STX6: variants seen among roughly 807,000 people sequenced by gnomAD.
STX6 encodes syntaxin-6.
A neutral mutation model predicts 38.0 loss-of-function variants in STX6; 23 were observed. The ratio of observed to expected loss-of-function variants is 0.60; its 90% CI spans 0.43 to 0.86. The LOEUF is 0.86. STX6 is among the 40% of genes least tolerant of loss of function. STX6 has a pLI of 0.00. For missense variants in STX6, 274 were observed against 312.9 expected (o/e 0.88, Z 0.94); for synonymous variants, 123 against 107.5 (o/e 1.14, Z -0.89).
At chr1:181,015,134 A>C (rs1656519263) in intron 1 of STX6, among the ~76,000 whole-genome samples, 1 of 151,930 alleles carries the variant, frequency 6.6e-6, no homozygotes, top group Admixed American at 6.6e-5. Flanking sequence ...GTTTCTCAGT[A>C]CTCTTTGTGG....
At chr1:180,984,086 A>AAAAAC in intron 7 of STX6, among the ~76,000 whole-genome samples, 2 of 150,082 alleles carry the variant, frequency 1.3e-5, no homozygotes, top group Admixed American at 1.3e-4. Context: ...AAAAAAAAAA[A>AAAAAC]AAAACACAAC....
chr1:180,978,094 G>T (rs536834662), intron 7 of STX6, among the ~76,000 whole-genome samples: 3 of 152,160 alleles, frequency 2.0e-5, no homozygotes, highest in Non-Finnish European at 4.4e-5. Flanking sequence ...TACTTCAATG[G>T]TCAAGAAAAC....
At position 180,988,348 on chromosome 1, in the gene STX6, G is replaced by C. The variant is rs746762484; in HGVS notation, c.490-3C>G. ...TCATCCTGCTGTTCCACGATCAACT[G>C]GTGCCAGAGAAATGGGAAATAAGCA... is the stretch of plus-strand genomic sequence containing the variant. On this transcript the variant is annotated splice_region_variant and splice_polypyrimidine_tract_variant and intron_variant, in intron 5 of 7. Transcript: ENST00000258301. 4.3e-6 allele frequency: 7 copies of C among 1,611,574 alleles called. No individual in the cohort carries two copies. The highest frequency in any genetic ancestry group is 1.7e-5 in the Admixed American group (1 of 60,014).
intron 3 of STX6, 49 bp from the exon 4 acceptor site, chr1:180,993,474 A>C (rs1317584913): frequency 3.7e-6 from 4 of 1,073,206 alleles, no homozygotes; most frequent in Non-Finnish European, 5.7e-6. Context: ...CCTTAAACAA[A>C]ATCACAGTTA....
intron 3 of STX6, among the ~76,000 whole-genome samples, chr1:180,994,199 A>G (rs1017009539): frequency 3.8e-4 from 58 of 152,254 alleles, no homozygotes; most frequent in African/African-American, 1.4e-3. Context: ...CATGACTGCA[A>G]CAACAGTTTT....
At chr1:180,984,886 G>T (rs1348457726) in intron 6 of STX6, 115 bp from the exon 7 acceptor site, 3 of 495,820 alleles carry the variant, frequency 6.1e-6, no homozygotes, top group Non-Finnish European at 3.7e-6. Flanking sequence ...GCAACACTGG[G>T]TTTCAGGACC....
chr1:180,995,859 G>A (rs749641601), intron 3 of STX6, among the ~76,000 whole-genome samples: 5 of 152,180 alleles, frequency 3.3e-5, no homozygotes, highest in Non-Finnish European at 7.3e-5. Context: ...AGTCAGTGCA[G>A]TGGGGGGTAG....
At chr1:181,018,111 G>C (rs1292036454) in intron 1 of STX6, among the ~76,000 whole-genome samples, 2 of 152,074 alleles carry the variant, frequency 1.3e-5, no homozygotes, top group Non-Finnish European at 2.9e-5. Flanking sequence ...CAGGCCAGGC[G>C]CGGTGGCTCA....
chr1:181,012,042 T>G (rs915369338), intron 1 of STX6, among the ~76,000 whole-genome samples: 2 of 152,226 alleles, frequency 1.3e-5, no homozygotes, highest in Non-Finnish European at 2.9e-5. Context: ...AATTAAAGTT[T>G]GATACCCAGA....
intron 3 of STX6, 41 bp from the exon 4 acceptor site, chr1:180,993,466 T>C (rs755240251): frequency 2.5e-6 from 3 of 1,180,292 alleles, no homozygotes; most frequent in Admixed American, 1.8e-5. Flanking sequence ...AAAAATATCC[T>C]TAAACAAAAT....
intron 2 of STX6, among the ~76,000 whole-genome samples, chr1:181,003,910 A>G (rs746848682): frequency 7.9e-5 from 12 of 152,346 alleles, no homozygotes; most frequent in Admixed American, 3.9e-4. Flanking sequence ...TTCATGGAAC[A>G]AGACATCTCT....
chr1:180,977,196 TA>T (rs926817023), intron 7 of STX6, among the ~76,000 whole-genome samples: 16 of 152,216 alleles, frequency 1.1e-4, no homozygotes, highest in African/African-American at 3.9e-4. Flanking sequence ...ACTTAACTAG[TA>T]ACTGTGTTAA....
chr1:181,009,183 A>C (rs904819524), intron 1 of STX6, among the ~76,000 whole-genome samples: 1 of 152,134 alleles, frequency 6.6e-6, no homozygotes, highest in Middle Eastern at 3.2e-3. Context: ...CCAATTAAAC[A>C]AAGCCAGCTG....
At chr1:181,021,637 A>G (rs528149705) in intron 1 of STX6, among the ~76,000 whole-genome samples, 7 of 152,368 alleles carry the variant, frequency 4.6e-5, no homozygotes, top group African/African-American at 1.7e-4. Context: ...GACATTTAAA[A>G]CAGAAAACTG....
intron 1 of STX6, among the ~76,000 whole-genome samples, chr1:181,017,996 T>C (rs1329765142): frequency 6.6e-6 from 1 of 152,168 alleles, no homozygotes; most frequent in African/African-American, 2.4e-5. Context: ...ATATAATGTA[T>C]CTTCCAGGAT....
intron 7 of STX6, among the ~76,000 whole-genome samples, 193 bp downstream of exon 7, chr1:180,984,484 G>T (rs1655513137): frequency 6.6e-6 from 1 of 152,112 alleles, no homozygotes; most frequent in Non-Finnish European, 1.5e-5. Flanking sequence ...AGGCAGTGGA[G>T]GTTGCAGTTA....
Position 181,022,718 on chromosome 1 carries a change from GC to G in STX6, c.-46del, listed in dbSNP as rs1656780755. ...CCTTCACCTCCTCCGCGCACAGGGC[GC>G]CCGTGCCTCCCGGTCTCCCTCCGCC... On this transcript the variant is annotated 5_prime_UTR_variant, in exon 1 of 8. Coordinates refer to ENST00000258301, the MANE Select transcript of STX6 (RefSeq NM_005819.6). 6.4e-7 allele frequency: 1 copy of G among 1,573,074 alleles called. No individual in the cohort carries two copies. The highest frequency in any genetic ancestry group is 2.4e-5 in the East Asian group (1 of 42,360).
chr1:180,999,807 G>A (rs1216457680), intron 3 of STX6, among the ~76,000 whole-genome samples: 1 of 152,064 alleles, frequency 6.6e-6, no homozygotes, highest in East Asian at 1.9e-4. Flanking sequence ...AATAGTAACA[G>A]AAGAACTAAC....
intron 4 of STX6, among the ~76,000 whole-genome samples, chr1:180,991,165 T>C (rs1354180929): frequency 1.3e-5 from 2 of 152,166 alleles, no homozygotes; most frequent in East Asian, 3.8e-4. Flanking sequence ...CTTCTCAGAC[T>C]GCGAGGGGTG....
Sources: gnomAD v4.1 joint callset for allele counts (sites outside exome capture counted in the v4.1 genomes callset) on GRCh38, gnomAD v4.1.1 for gene constraint, MANE v1.5 for transcripts, NCBI Gene and HGNC (gene_info 2026-07-23, HGNC 2026-07-21) for gene names.